The following PZP variants were observed in gnomAD, a reference collection of about 807,000 sequenced individuals.
PZP encodes the protein pregnancy zone protein.
A neutral mutation model predicts 179.8 loss-of-function variants in PZP; 150 were observed. The ratio of observed to expected loss-of-function variants is 0.83; its 90% CI spans 0.73 to 0.96. The LOEUF (loss-of-function observed/expected upper bound fraction) is 0.96. Among genes scored for constraint, PZP ranks in the 40% least tolerant of loss-of-function variants. The pLI is 0.00. For synonymous variants in PZP, 624 were observed against 652.3 expected, an observed-to-expected ratio of 0.96 and a Z score of 0.66; for missense variants, 1,689 against 1,764.0, an observed-to-expected ratio of 0.96 and a Z score of 0.76.
downstream of PZP, among the ~76,000 whole-genome samples, chr12:9,144,448 A>G (rs226362): frequency 0.4 from 60,094 of 151,830 alleles, 12,305 homozygotes; most frequent in African/African-American, 0.45. Flanking sequence ...ATGAGCTGCC[A>G]CTGCCCACTG....
At chr12:9,146,921 T>TTTCC (rs1940040003), downstream of PZP, among the ~76,000 whole-genome samples, 3 of 151,298 alleles carry the variant, frequency 2.0e-5, no homozygotes, top group Admixed American at 2.0e-4. Flanking sequence ...AGATCAACTC[T>TTTCC]TTTCCCAGGC....
chr12:9,166,341 G>T, intron 17 of PZP, 139 bp from the exon 18 acceptor site: 1 of 779,670 alleles, frequency 1.3e-6, no homozygotes, highest in Non-Finnish European at 2.0e-6. Flanking sequence ...TAGAACTTGG[G>T]AAATACTTTG....
At chr12:9,157,477 T>A (rs748282514) in intron 27 of PZP, 122 bp from the exon 28 acceptor site, 32 of 900,290 alleles carry the variant, frequency 3.6e-5, no homozygotes, top group Non-Finnish European at 5.3e-5. Context: ...GACAGCTAGA[T>A]ATTCATCATA....
In PZP at chr12:9,208,268, G is replaced by A; in HGVS notation, c.74C>T (p.Ser25Phe). 6.2e-7 allele frequency: 1 copy of A among 1,612,802 alleles called. No individual in the cohort carries two copies. The highest frequency in any genetic ancestry group is 8.5e-7 in the Non-Finnish European group (1 of 1,178,832). The change falls in exon 1 of 36, where the codon TCT becomes TTT. Residue 25 changes from serine to phenylalanine, a missense_variant. This residue lies in a region of PZP where 742 missense variants were observed against 730.5 expected (regional missense o/e 1.02). Coordinates refer to ENST00000261336, the MANE Select transcript of PZP (RefSeq NM_002864.3). Reference protein sequence around the residue: ...LILLSASDSNSTEPQYMVLVP... With the variant: ...LILLSASDSNFTEPQYMVLVP... ...CTTGAGTGAGACTTACGGTTCTGTAGAGTTTGAGTCACTGGCAGAAAGCAG... is the reference window on the plus strand; with the variant it reads ...CTTGAGTGAGACTTACGGTTCTGTAAAGTTTGAGTCACTGGCAGAAAGCAG...
Position 9,168,937 on chromosome 12 carries a change from C to T in PZP, c.2039G>A (p.Arg680Gln), listed in dbSNP as rs762420379. The stretch of plus-strand genomic sequence containing the variant: ...GATGACTGAACACGACTTTGGTTTT[C>T]GGATTTTTGAGTTAGTGAACACCTT... ...GLKVFTNSKI[R>Q]KPKSCSVIPS... Residue 680 changes from arginine to glutamine, a missense_variant, in exon 17 of 36, where the codon CGA becomes CAA. Transcript: ENST00000261336. The T allele has an allele frequency of 1.9e-5, 30 of 1,613,922 alleles. No individual in the cohort carries two copies. Among genetic ancestry groups the T allele is most frequent in the African/African-American group, 4.0e-5 (3 of 74,916 alleles).
In PZP at chr12:9,203,811, TC is replaced by T. The variant is rs1231208065; in HGVS notation, c.223del (p.Asp75ThrfsTer32). On this transcript the variant is annotated frameshift_variant, in exon 2 of 36. Coordinates refer to ENST00000261336, the MANE Select transcript of PZP (RefSeq NM_002864.3). LOFTEE classifies it high-confidence loss of function. ...SGRENRSLFT[D>X]LVAEKDLFHC... ...GAATAAGTCCTTCTCCGCCACCAGG[TC>T]AGTGAAGAGGCTCCTGTTTTCCCTG... The T allele has an allele frequency of 6.2e-7, 1 of 1,613,946 alleles. No individual in the cohort carries two copies. Among genetic ancestry groups the T allele is most frequent in the Non-Finnish European group, 8.5e-7 (1 of 1,180,000 alleles).
At chr12:9,139,189 C>G in the PZP span, among the ~76,000 whole-genome samples, 4 of 152,148 alleles carry the variant, frequency 2.6e-5, no homozygotes, top group South Asian at 8.3e-4. Context: ...CACTCAATGA[C>G]TTTTCAAGAG....
chr12:9,180,924 T>G, intron 15 of PZP, 59 bp downstream of exon 15: 1 of 1,554,006 alleles, frequency 6.4e-7, no homozygotes, highest in Non-Finnish European at 8.7e-7. Flanking sequence ...TAATAGAGGC[T>G]TCTTGATCTG....
chr12:9,149,701 C>T, intron 34 of PZP, 99 bp from the exon 35 acceptor site: 1 of 1,132,936 alleles, frequency 8.8e-7, no homozygotes, highest in East Asian at 2.5e-5. Context: ...AAAAGCACGC[C>T]CTATCAGAAT....
chr12:9,180,324 A>C (rs1000511005), intron 15 of PZP, among the ~76,000 whole-genome samples: 2 of 152,112 alleles, frequency 1.3e-5, no homozygotes, highest in Non-Finnish European at 2.9e-5. Flanking sequence ...GGAACCAAAA[A>C]AGAGCCCGCA....
chr12:9,160,268 A>G (rs1371802311), intron 24 of PZP, 46 bp downstream of exon 24: 1 of 1,525,616 alleles, frequency 6.6e-7, no homozygotes, highest in Admixed American at 2.0e-5. Flanking sequence ...TAATTGGGAA[A>G]AGTTTCATTA....
Position 9,192,677 on chromosome 12 carries a change from A to T in PZP, c.1317T>A (p.Gly439=), listed in dbSNP as rs10771407. Residue 439 remains glycine (G), a synonymous_variant, in exon 12 of 36, where the codon GGT becomes GGA. Coordinates refer to ENST00000261336, the MANE Select transcript of PZP (RefSeq NM_002864.3). ...AAACACGATTTGCAGTGTGCTGAGCACCCTGGTGGTCTTCTGCTACCCATG... is the reference window on the plus strand; with the variant it reads ...AAACACGATTTGCAGTGTGCTGAGCTCCCTGGTGGTCTTCTGCTACCCATG... ...HYSWVAEDHQ[G]AQHTANRVFS... is the part of the protein sequence containing the mutation. 7 of 1,613,874 alleles carry T rather than the reference A, an allele frequency of 4.3e-6. No homozygotes were observed. In the African/African-American group the frequency reaches 5.3e-5, roughly 12 times the overall value.
intron 14 of PZP, among the ~76,000 whole-genome samples, chr12:9,181,559 G>A (rs759102029): frequency 6.6e-6 from 1 of 152,010 alleles, no homozygotes; most frequent in Non-Finnish European, 1.5e-5. Context: ...ATAGCTTCTC[G>A]GTAGCTTAGT....
At chr12:9,174,494 A>G (rs189971235) in intron 15 of PZP, among the ~76,000 whole-genome samples, 207 of 152,366 alleles carry the variant, frequency 1.4e-3, no homozygotes, top group Non-Finnish European at 2.8e-3. Context: ...AGAGAAATAA[A>G]TAAAGTGTAT....
intron 25 of PZP, 107 bp from the exon 26 acceptor site, chr12:9,158,683 A>C: frequency 9.1e-7 from 1 of 1,100,158 alleles, no homozygotes; most frequent in Non-Finnish European, 1.2e-6. Flanking sequence ...AAGAAAGTCA[A>C]TCAGCTGTTA....
Position 9,152,191 on chromosome 12 carries a change from G to T in PZP, c.4212+29C>A, listed in dbSNP as rs183489620. On this transcript the variant is annotated intron_variant, in intron 32 of 35. Coordinates refer to ENST00000261336, the MANE Select transcript of PZP (RefSeq NM_002864.3). The stretch of plus-strand genomic sequence containing the variant: ...GGGGATACAGAACATACTTTTGTAT[G>T]AAGTCTATTAGGATTAAAATACACC... 1.0e-5 allele frequency: 15 copies of T among 1,445,132 alleles called. 1 individual carries two copies. The South Asian group carries it at 1.1e-4, about 11-fold the overall frequency. 89.5% of individuals were successfully genotyped at this position (1,445,132 alleles called of 1,614,324 possible).
At chr12:9,145,718 T>C (rs1159428913), downstream of PZP, among the ~76,000 whole-genome samples, 1 of 152,186 alleles carries the variant, frequency 6.6e-6, no homozygotes, top group Non-Finnish European at 1.5e-5. Context: ...GCATTTCTGG[T>C]AAGACAAATC....
rs1437065908 is a variant in PZP at position 9,160,638 on chromosome 12, A to G, written c.2873-148T>C. 6.5e-6 allele frequency: 5 copies of G among 771,298 alleles called. No individual in the cohort carries two copies. In the African/African-American group the frequency reaches 7.0e-5, roughly 11 times the overall value. 47.8% of individuals were successfully genotyped at this position (771,298 alleles called of 1,614,324 possible). A position where few individuals can be genotyped will look rare whatever the true frequency, so the allele number is the denominator to read the frequency against. On this transcript the variant is annotated intron_variant, in intron 23 of 35. Coordinates refer to ENST00000261336, the MANE Select transcript of PZP (RefSeq NM_002864.3). ...GAGTGTGACTTCCAGAATCCTAATA[A>G]GAATAGCAGCTATCGCCTGTAATCC... is the stretch of plus-strand genomic sequence containing the variant.
chr12:9,177,231 C>T, intron 15 of PZP, among the ~76,000 whole-genome samples: 1 of 152,226 alleles, frequency 6.6e-6, no homozygotes, highest in Non-Finnish European at 1.5e-5. Context: ...TCTTGGAACG[C>T]ATTAGCTCTC....
Sources: gnomAD v4.1 joint callset for allele counts (sites outside exome capture counted in the v4.1 genomes callset) on GRCh38, gnomAD v4.1.1 for gene constraint, gnomAD v4.1.1 regional missense constraint, MANE v1.5 for transcripts, NCBI Gene and HGNC (gene_info 2026-07-23, HGNC 2026-07-21) for gene names.